Variants in ATP8A2 observed in about 807,000 individuals in gnomAD.
ATP8A2 encodes phospholipid-transporting ATPase IB.
In ATP8A2, 100 loss-of-function variants were observed where a neutral mutation model predicts 165.6. The observed-to-expected ratio is 0.60, with a 90% CI of 0.51 to 0.71. The LOEUF (loss-of-function observed/expected upper bound fraction) is 0.71, where lower values mean the gene tolerates loss of function less well. Among genes scored for constraint, ATP8A2 ranks in the 30% least tolerant of loss-of-function variants. The pLI, the probability that ATP8A2 is intolerant of heterozygous loss-of-function variation, is 0.00. For synonymous variants in ATP8A2, 543 were observed against 548.8 expected, an observed-to-expected ratio of 0.99 and a Z score of 0.15; for missense variants, 1,227 against 1,479.5, an observed-to-expected ratio of 0.83 and a Z score of 2.80.
intron 33 of ATP8A2, among the ~76,000 whole-genome samples, chr13:25,925,249 G>C (rs760496496): frequency 8.5e-5 from 13 of 152,104 alleles, no homozygotes; most frequent in Non-Finnish European, 1.3e-4. Context: ...ATTATTAGGT[G>C]GGGGCAGGGC....
At chr13:25,400,568 C>T (rs1261105218) in intron 1 of ATP8A2, among the ~76,000 whole-genome samples, 1 of 152,194 alleles carries the variant, frequency 6.6e-6, no homozygotes, top group East Asian at 1.9e-4. Context: ...TTGTTGCTAA[C>T]ACTTCTTTGC....
chr13:25,695,239 G>A (rs2042811240), intron 24 of ATP8A2, among the ~76,000 whole-genome samples: 1 of 151,892 alleles, frequency 6.6e-6, no homozygotes, highest in South Asian at 2.1e-4. Context: ...CAATGTGTGT[G>A]CCTTAATTTA....
intron 33 of ATP8A2, among the ~76,000 whole-genome samples, chr13:25,934,297 C>T (rs1156920940): frequency 2.6e-5 from 4 of 152,134 alleles, no homozygotes; most frequent in Admixed American, 6.5e-5. Flanking sequence ...AAGTGTCTGC[C>T]TGTGACAGAG....
intron 24 of ATP8A2, among the ~76,000 whole-genome samples, chr13:25,641,487 T>G (rs572443080): frequency 6.6e-6 from 1 of 151,904 alleles, no homozygotes; most frequent in Non-Finnish European, 1.5e-5. Context: ...CCAAATCATG[T>G]GTGAACTCCC....
At chr13:25,566,994 T>G (rs4605002) in intron 16 of ATP8A2, 123,330 of 184,460 alleles carry the variant, frequency 0.67, 42,751 homozygotes, top group African/African-American at 0.72. Flanking sequence ...TGTTGACATG[T>G]GAGCAGTGTA....
chr13:25,897,235 C>CA (rs1313221043), intron 33 of ATP8A2, among the ~76,000 whole-genome samples: 1 of 152,166 alleles, frequency 6.6e-6, no homozygotes, highest in Admixed American at 6.5e-5. Context: ...CCTGGTGTGA[C>CA]AAAATCTCTC....
chr13:25,812,884 G>T (rs189887787), intron 27 of ATP8A2, among the ~76,000 whole-genome samples: 1 of 152,204 alleles, frequency 6.6e-6, no homozygotes, highest in East Asian at 1.9e-4. Context: ...ATACACCATA[G>T]AATACTGTGC....
intron 2 of ATP8A2, among the ~76,000 whole-genome samples, chr13:25,478,192 A>G (rs75637691): frequency 2.1e-3 from 325 of 152,094 alleles, no homozygotes; most frequent in South Asian, 0.012. Context: ...AACATTCCCT[A>G]TGCTCACAAA....
intron 24 of ATP8A2, among the ~76,000 whole-genome samples, chr13:25,697,734 T>C (rs2042864656): frequency 6.6e-6 from 1 of 152,222 alleles, no homozygotes; most frequent in Non-Finnish European, 1.5e-5. Flanking sequence ...AGCTCCTTTT[T>C]ACACATAAGA....
At chr13:25,955,095 A>T (rs963278965) in intron 33 of ATP8A2, among the ~76,000 whole-genome samples, 2 of 152,226 alleles carry the variant, frequency 1.3e-5, no homozygotes, top group Non-Finnish European at 2.9e-5. Context: ...GGAAGCTAAG[A>T]ACCTTGAAAA....
At chr13:25,653,256 G>A (rs1327695397) in intron 24 of ATP8A2, among the ~76,000 whole-genome samples, 3 of 152,132 alleles carry the variant, frequency 2.0e-5, no homozygotes, top group African/African-American at 7.2e-5. Context: ...ATACACCATG[G>A]GATACTATGC....
chr13:25,635,407 C>G (rs189809961), intron 24 of ATP8A2, among the ~76,000 whole-genome samples: 1 of 152,042 alleles, frequency 6.6e-6, no homozygotes, highest in African/African-American at 2.4e-5. Context: ...AATGAATGTC[C>G]CATGTGAAGA....
At chr13:25,674,739 T>A (rs1047865874) in intron 24 of ATP8A2, among the ~76,000 whole-genome samples, 1 of 152,208 alleles carries the variant, frequency 6.6e-6, no homozygotes. Context: ...TCCCGTGTAG[T>A]GACTATTAGG....
intron 1 of ATP8A2, among the ~76,000 whole-genome samples, chr13:25,421,420 G>C (rs1021638854): frequency 6.6e-6 from 1 of 151,992 alleles, no homozygotes. Flanking sequence ...CTGTAGCCTC[G>C]AACTTCTGGA....
intron 24 of ATP8A2, among the ~76,000 whole-genome samples, chr13:25,646,610 G>A (rs1269818033): frequency 3.0e-5 from 4 of 131,430 alleles, no homozygotes; most frequent in Non-Finnish European, 4.6e-5. Flanking sequence ...AGCCAAGATC[G>A]TGCCTCTGTA....
intron 33 of ATP8A2, among the ~76,000 whole-genome samples, chr13:25,954,357 T>C (rs2139161043): frequency 6.6e-6 from 1 of 152,270 alleles, no homozygotes; most frequent in South Asian, 2.1e-4. Context: ...GCAGCCCCAG[T>C]CAGGGTCTTA....
intron 35 of ATP8A2, among the ~76,000 whole-genome samples, chr13:25,989,771 C>T (rs1408164048): frequency 6.6e-6 from 1 of 152,162 alleles, no homozygotes; most frequent in Non-Finnish European, 1.5e-5. Flanking sequence ...TTCCTCCTCA[C>T]TTCCACCTAC....
intron 25 of ATP8A2, among the ~76,000 whole-genome samples, chr13:25,730,940 G>A (rs1301541207): frequency 2.6e-5 from 4 of 151,804 alleles, no homozygotes; most frequent in African/African-American, 7.3e-5. Flanking sequence ...CCAGGTTGGC[G>A]GCACATACCT....
intron 5 of ATP8A2, 61 bp downstream of exon 5, chr13:25,532,378 A>C (rs1010611252): frequency 3.3e-6 from 4 of 1,195,766 alleles, no homozygotes; most frequent in Non-Finnish European, 4.8e-6. Flanking sequence ...GCCTGCATTT[A>C]AGGAATTTTA....
Sources: gnomAD v4.1 joint callset for allele counts (sites outside exome capture counted in the v4.1 genomes callset) on GRCh38, gnomAD v4.1.1 for gene constraint, MANE v1.5 for transcripts, NCBI Gene and HGNC (gene_info 2026-07-23, HGNC 2026-07-21) for gene names.